The following CKMT1A variants were observed in gnomAD, a reference collection of about 807,000 sequenced individuals.
The protein encoded by CKMT1A is creatine kinase U-type, mitochondrial.
CKMT1A carries 23 observed loss-of-function variants against 21.8 expected under a neutral mutation model. The ratio of observed to expected loss-of-function variants is 1.05; its 90% CI spans 0.76 to 1.49. The LOEUF (loss-of-function observed/expected upper bound fraction) is 1.49, where lower values mean the gene tolerates loss of function less well. Among genes scored for constraint, CKMT1A ranks in the 40% most tolerant of loss-of-function variants. The probability of loss-of-function intolerance (pLI) is 0.00; values close to 1 mark genes in which losing one functional copy is unlikely to be tolerated. For synonymous variants in CKMT1A, 67 were observed against 80.4 expected (o/e 0.83, Z 0.89); for missense variants, 154 against 229.4 (o/e 0.67, Z 2.12).
At position 43,698,642 on chromosome 15, in the gene CKMT1A, A is replaced by G. The variant is rs1489175480; in HGVS notation, c.1013A>G (p.Asp338Gly). ...VHIKLPLLSK[D>G]SRFPKILENL... is the part of the protein sequence containing the mutation. The stretch of plus-strand genomic sequence containing the variant: ...TCCCAATCCCTATCTCCTCTCTAGG[A>G]TAGCCGCTTCCCAAAGATCCTGGAG... Residue 338 changes from aspartate to glycine, a missense_variant and splice_region_variant, in exon 8 of 9, where the codon GAT becomes GGT. Coordinates refer to ENST00000413453, the MANE Select transcript of CKMT1A (RefSeq NM_001321926.2). The G allele has an allele frequency of 1.9e-6, 3 of 1,612,750 alleles. No homozygotes were observed. The highest frequency in any genetic ancestry group is 2.5e-6 in the Non-Finnish European group (3 of 1,179,374).
chr15:43,698,105 G>C lies in CKMT1A; in HGVS notation c.968G>C (p.Gly323Ala). The C allele has an allele frequency of 6.2e-7, 1 of 1,613,056 alleles. No individual in the cohort carries two copies. The highest frequency in any genetic ancestry group is 8.5e-7 in the Non-Finnish European group (1 of 1,179,252). The change falls in exon 7 of 9, where the codon GGA becomes GCA. Residue 323 changes from glycine to alanine, a missense_variant. By Grantham distance (60) the Gly-to-Ala change is moderately conservative (BLOSUM62 0). Coordinates refer to ENST00000413453, the MANE Select transcript of CKMT1A (RefSeq NM_001321926.2). Reference protein sequence around the residue: ...ILTCPSNLGTGLRAGVHIKLP... With the variant: ...ILTCPSNLGTALRAGVHIKLP... ...ACCTGTCCATCTAACCTGGGCACTGGACTTCGGGCAGGAGTGCACATCAAA... is the reference window on the plus strand; with the variant it reads ...ACCTGTCCATCTAACCTGGGCACTGCACTTCGGGCAGGAGTGCACATCAAA...
intron 6 of CKMT1A, chr15:43,697,390 G>A: frequency 1.0e-6 from 1 of 984,908 alleles, no homozygotes; most frequent in Non-Finnish European, 1.2e-6. Flanking sequence ...TTGGATAGTG[G>A]TCTTTGTGAT....
chr15:43,696,461 A>G (rs1395224362), intron 6 of CKMT1A, 98 bp downstream of exon 6: 11 of 1,579,990 alleles, frequency 7.0e-6, no homozygotes, highest in South Asian at 1.1e-5. Flanking sequence ...AACCCAAGAC[A>G]TGTCTGATGG....
In CKMT1A at chr15:43,698,719, G is replaced by A. The variant is rs369457741; in HGVS notation, c.1090G>A (p.Gly364Ser). 1.4e-5 allele frequency: 22 copies of A among 1,613,678 alleles called. No homozygotes were observed. The South Asian group carries it at 2.3e-4, about 17-fold the overall frequency. ...TGGAGGAGTGGACACTGCTGCCACA[G>A]GCGGTGTCTTTGATATTTCTAATTT... The part of the protein sequence containing the change: ...GTGGVDTAAT[G>S]GVFDISNLDR... Residue 364 changes from glycine to serine, a missense_variant, in exon 8 of 9, where the codon GGC becomes AGC. Transcript: ENST00000413453.
Position 43,697,989 on chromosome 15 carries a change from A to T in CKMT1A, c.877-25A>T, listed in dbSNP as rs2236740. ...GTTAATGAAATATCCCTGATTTTTC[A>T]TTAATAAAAACTTTGTGGACTCAGG... On this transcript the variant is annotated intron_variant, in intron 6 of 8. Transcript: ENST00000413453. 8.0e-3 allele frequency: 12,958 copies of T among 1,613,566 alleles called. 1,146 individuals are homozygous for T. In the Admixed American group the frequency reaches 0.16, roughly 20 times the overall value.
At chr15:43,697,403 T>A in intron 6 of CKMT1A, 5 of 985,036 alleles carry the variant, frequency 5.1e-6, no homozygotes, top group Non-Finnish European at 6.0e-6. Flanking sequence ...TTTGTGATCA[T>A]CACTCTGCTA....
At chr15:43,696,444 A>G in intron 6 of CKMT1A, 81 bp downstream of exon 6, 1 of 1,600,700 alleles carries the variant, frequency 6.2e-7, no homozygotes, top group Non-Finnish European at 8.5e-7. Context: ...TATGTAATTT[A>G]TCAACCAACC....
Position 43,698,431 on chromosome 15 carries a change from G to A in CKMT1A, c.1012-210G>A, listed in dbSNP as rs556498027. On this transcript the variant is annotated intron_variant, in intron 7 of 8. Coordinates refer to ENST00000413453, the MANE Select transcript of CKMT1A (RefSeq NM_001321926.2). The stretch of plus-strand genomic sequence containing the variant: ...GGTGTAGTGGAGGCTGAGGTGAGAG[G>A]ATCACTTAAGCCTGGGAAGTCGAGG... 2.3e-3 allele frequency among the ~76,000 whole-genome samples: 341 copies of A among 150,032 alleles called. 1 individual carries two copies. Among genetic ancestry groups the A allele is most frequent in the Middle Eastern group, 6.9e-3 (2 of 290 alleles).
chr15:43,696,070 C>T lies in CKMT1A; in HGVS notation c.698C>T (p.Pro233Leu), dbSNP rs2086438293. Residue 233 changes from proline (P) to leucine (L), a missense_variant, in exon 5 of 9, where the codon CCG becomes CTG. Pro to Leu is a moderately conservative substitution (Grantham distance 98). Transcript: ENST00000413453. ...DHFLFDKPVS[P>L]LLTAAGMARD... is the part of the protein sequence containing the mutation. The stretch of plus-strand genomic sequence containing the variant: ...TTTCTGTTTGATAAGCCTGTGTCCC[C>T]GTTGCTGACTGCAGCAGGAATGGCT... 1.8e-5 allele frequency: 10 copies of T among 570,570 alleles called. No individual in the cohort carries two copies. Among genetic ancestry groups the T allele is most frequent in the South Asian group, 4.1e-5 (2 of 49,346 alleles). 35.3% of individuals were successfully genotyped at this position (570,570 alleles called of 1,614,324 possible). A position where few individuals can be genotyped will look rare whatever the true frequency, so the allele number is the denominator to read the frequency against.
chr15:43,697,190 A>C (rs2086459565), intron 6 of CKMT1A: 1 of 1,217,590 alleles, frequency 8.2e-7, no homozygotes, highest in South Asian at 1.4e-5. Context: ...GATTTTCTAC[A>C]TTTTAGGTTG....
intron 8 of CKMT1A, 46 bp downstream of exon 8, chr15:43,698,812 G>C (rs1339224378): frequency 3.1e-6 from 5 of 1,610,686 alleles, no homozygotes; most frequent in Non-Finnish European, 3.4e-6. Context: ...AGGTCTGTGG[G>C]GGCTGAAATA....
chr15:43,698,239 C>T (rs1314633496), intron 7 of CKMT1A, 91 bp downstream of exon 7: 1 of 1,590,736 alleles, frequency 6.3e-7, no homozygotes, highest in Non-Finnish European at 8.6e-7. Flanking sequence ...AGGAGCCAAA[C>T]ATGTTGTGGC....
Position 43,698,765 on chromosome 15 carries a change from A to G in CKMT1A, c.1136A>G (p.Glu379Gly), listed in dbSNP as rs760742579. Reference protein sequence around the residue: ...ISNLDRLGKSEVELVQLVIDG... With the variant: ...ISNLDRLGKSGVELVQLVIDG... ...AATTTGGACCGACTAGGCAAATCAGAGGTGAGATCCTAAGGGATTAGGATG... is the reference window on the plus strand; with the variant it reads ...AATTTGGACCGACTAGGCAAATCAGGGGTGAGATCCTAAGGGATTAGGATG... Residue 379 changes from glutamate to glycine, a missense_variant and splice_region_variant, in exon 8 of 9, where the codon GAG (glutamate) becomes GGG (glycine). By Grantham distance (98) the Glu-to-Gly change is moderately conservative. Transcript: ENST00000413453. 3 of 1,613,688 alleles carry G rather than the reference A, an allele frequency of 1.9e-6. No homozygotes were observed. In the Admixed American group the frequency reaches 5.0e-5, roughly 27 times the overall value.
intron 6 of CKMT1A, 107 bp from the exon 7 acceptor site, chr15:43,697,907 T>G: frequency 2.0e-6 from 3 of 1,516,980 alleles, no homozygotes; most frequent in Non-Finnish European, 2.7e-6. Context: ...ACAGCCAAGT[T>G]TCTATTCTAG....
At position 43,696,573 on chromosome 15, in the gene CKMT1A, G is replaced by C. The variant is rs565418491; in HGVS notation, c.876+210G>C. 75 of 744,122 alleles carry C rather than the reference G, an allele frequency of 1.0e-4. 6 individuals carry two copies. In the African/African-American group the frequency reaches 1.3e-3, roughly 13 times the overall value. 46.1% of individuals were successfully genotyped at this position (744,122 alleles called of 1,614,324 possible). A position where few individuals can be genotyped will look rare whatever the true frequency, so the allele number is the denominator to read the frequency against. ...TGTGGTCACACTAAGATTAGGAAAA[G>C]AGTGTCAGGAACCTTAGAAAGTGAA... On this transcript the variant is annotated intron_variant, in intron 6 of 8. Transcript: ENST00000413453.
chr15:43,697,641 T>C (rs2086469473), intron 6 of CKMT1A: 2 of 984,946 alleles, frequency 2.0e-6, no homozygotes, highest in Non-Finnish European at 2.4e-6. Flanking sequence ...CCTTCCAAGC[T>C]CTAGGCTCAT....
intron 6 of CKMT1A, 170 bp from the exon 7 acceptor site, chr15:43,697,844 T>C: frequency 7.1e-6 from 7 of 981,628 alleles, no homozygotes; most frequent in Non-Finnish European, 8.5e-6. Flanking sequence ...CATGCATGCA[T>C]GAAAACAATA....
intron 6 of CKMT1A, 131 bp from the exon 7 acceptor site, chr15:43,697,883 A>T (rs1490180243): frequency 2.0e-6 from 3 of 1,497,720 alleles, no homozygotes; most frequent in Admixed American, 4.6e-5. Context: ...AAAAAAGACC[A>T]ATGTCATTCA....
intron 6 of CKMT1A, chr15:43,697,607 C>A (rs1230337635): frequency 2.4e-5 from 24 of 984,338 alleles, no homozygotes; most frequent in Middle Eastern, 5.2e-4. Context: ...AAAGCTTACA[C>A]CTTCATCTTC....
Sources: allele counts gnomAD v4.1 joint callset (sites outside exome capture counted in the v4.1 genomes callset), GRCh38; gene constraint gnomAD v4.1.1; transcripts MANE v1.5; gene names NCBI Gene and HGNC (gene_info 2026-07-23, HGNC 2026-07-21).